Variants in PLA2G4C observed in about 807,000 individuals in gnomAD.
PLA2G4C encodes cytosolic phospholipase A2 gamma.
Under a neutral mutation model 73.8 loss-of-function variants are expected in PLA2G4C, and 64 were observed. The ratio of observed to expected loss-of-function variants is 0.87; its 90% confidence interval spans 0.71 to 1.07. The LOEUF (loss-of-function observed/expected upper bound fraction) is 1.07. PLA2G4C is among the 50% of genes least tolerant of loss of function. The pLI, the probability that PLA2G4C is intolerant of heterozygous loss-of-function variation, is 0.00. For synonymous variants in PLA2G4C, 254 were observed against 252.1 expected, an observed-to-expected ratio of 1.01 and a Z score of -0.07; for missense variants, 622 against 665.4, an observed-to-expected ratio of 0.93 and a Z score of 0.72.
Position 48,070,142 on chromosome 19 carries a change from A to T in PLA2G4C, c.1007-2256T>A, listed in dbSNP as rs551779120. Among the ~76,000 whole-genome samples the T allele has an allele frequency of 1.7e-4, 26 of 152,258 alleles. No homozygotes were observed. In the South Asian group the frequency reaches 5.4e-3, roughly 32 times the overall value. On this transcript the variant is annotated intron_variant, in intron 12 of 16. Coordinates refer to ENST00000599921, the MANE Select transcript of PLA2G4C (RefSeq NM_003706.3). ...AGAGAGTAACACCTATCCCTTATAGATTTATGAGGAATAAGTAAGAGCCTG... is the reference window on the plus strand; with the variant it reads ...AGAGAGTAACACCTATCCCTTATAGTTTTATGAGGAATAAGTAAGAGCCTG...
rs544287174 is a variant in PLA2G4C at position 48,101,126 on chromosome 19, ATTTT to A, written c.258-1270_258-1267del. 6.4e-3 allele frequency among the ~76,000 whole-genome samples: 472 copies of A among 74,116 alleles called. 3 individuals are homozygous for A. Among genetic ancestry groups the A allele is most frequent in the African/African-American group, 0.029 (456 of 15,574 alleles). The allele number at this position is 74,116 out of a possible 152,430, so 48.6% of individuals were successfully genotyped here. A position where few individuals can be genotyped will look rare whatever the true frequency, so the allele number is the denominator to read the frequency against. On this transcript the variant is annotated intron_variant, in intron 4 of 16. Coordinates refer to ENST00000599921, the MANE Select transcript of PLA2G4C (RefSeq NM_003706.3). ...AGTCTATATATATATATATATATAT[ATTTT>A]TTTTTTTTTTTTTGAGACAGGTCTT...
intron 16 of PLA2G4C, among the ~76,000 whole-genome samples, chr19:48,049,821 G>A (rs986608603): frequency 2.0e-5 from 3 of 152,204 alleles, no homozygotes; most frequent in African/African-American, 7.2e-5. Context: ...AAGCCAAGGA[G>A]AGAGGTCTCA....
chr19:48,101,825 C>T (rs1291506541), intron 4 of PLA2G4C, among the ~76,000 whole-genome samples: 1 of 151,654 alleles, frequency 6.6e-6, no homozygotes, highest in African/African-American at 2.4e-5. Flanking sequence ...CAGGTGCGTG[C>T]CACCACACCC....
At chr19:48,109,434 G>C (rs2032378785) in intron 1 of PLA2G4C, among the ~76,000 whole-genome samples, 1 of 151,850 alleles carries the variant, frequency 6.6e-6, no homozygotes, top group South Asian at 2.1e-4. Context: ...ACCATCTCCA[G>C]CTAAATTTTT....
chr19:48,059,804 T>G (rs1568424423), intron 14 of PLA2G4C, among the ~76,000 whole-genome samples: 1 of 149,834 alleles, frequency 6.7e-6, no homozygotes, highest in Non-Finnish European at 1.5e-5. Context: ...ATTTTGCTCT[T>G]GTTCACCAGG....
intron 14 of PLA2G4C, among the ~76,000 whole-genome samples, chr19:48,056,128 C>T (rs567087002): frequency 6.6e-6 from 1 of 152,284 alleles, no homozygotes; most frequent in South Asian, 2.1e-4. Flanking sequence ...CAAAAGGACA[C>T]TGCATGTCTC....
chr19:48,056,980 G>T (rs959945642), intron 14 of PLA2G4C, among the ~76,000 whole-genome samples: 43 of 152,118 alleles, frequency 2.8e-4, no homozygotes, highest in African/African-American at 1.0e-3. Flanking sequence ...GGGGCCTAGT[G>T]TTGGGTGGAG....
chr19:48,105,372 CA>C lies in PLA2G4C; in HGVS notation c.80del (p.Val27GlyfsTer2), dbSNP rs1353441631. The stretch of plus-strand genomic sequence containing the variant: ...TCCTTAGCTTCTTCAGAGCTTTCAG[CA>C]CATGAAGTCTTCGTCTCTCCACGGC... Reference protein sequence around the residue: ...KAAVERRRLHVLKALKKLRIE... With the variant: ...KAAVERRRLHXLKALKKLRIE... On this transcript the variant is annotated frameshift_variant, in exon 3 of 17. Transcript: ENST00000599921. LOFTEE classifies it high-confidence loss of function. The C allele has an allele frequency of 6.2e-7, 1 of 1,613,786 alleles. No homozygotes were observed. Among genetic ancestry groups the C allele is most frequent in the Non-Finnish European group, 8.5e-7 (1 of 1,179,882 alleles).
chr19:48,090,253 C>G (rs141473233), intron 8 of PLA2G4C, 111 bp downstream of exon 8: 3 of 818,554 alleles, frequency 3.7e-6, no homozygotes, highest in African/African-American at 1.7e-5. Flanking sequence ...AAAGCAGTTG[C>G]TAGAACAATT....
At chr19:48,095,269 G>T (rs577292816) in intron 7 of PLA2G4C, among the ~76,000 whole-genome samples, 195 bp downstream of exon 7, 5 of 152,012 alleles carry the variant, frequency 3.3e-5, no homozygotes, top group African/African-American at 1.2e-4. Flanking sequence ...GGTATCTGCC[G>T]CATTAAGGAG....
intron 11 of PLA2G4C, among the ~76,000 whole-genome samples, chr19:48,076,697 T>C (rs2030179510): frequency 6.6e-6 from 1 of 150,878 alleles, no homozygotes; most frequent in Non-Finnish European, 1.5e-5. Context: ...GAGCTGAGAT[T>C]ATGCCACTGC....
intron 13 of PLA2G4C, among the ~76,000 whole-genome samples, chr19:48,062,829 T>G (rs1459400233): frequency 1.3e-5 from 2 of 152,100 alleles, no homozygotes; most frequent in Non-Finnish European, 2.9e-5. Flanking sequence ...TGTAGAAAGT[T>G]TATTTTGCCA....
chr19:48,090,713 T>C (rs1487217367), intron 7 of PLA2G4C: 1 of 388,674 alleles, frequency 2.6e-6, no homozygotes, highest in Non-Finnish European at 4.7e-6. Flanking sequence ...CAAGCTCCTG[T>C]CCATGCCAAC....
chr19:48,057,480 C>CTGTTTTTTTTTT, intron 14 of PLA2G4C, among the ~76,000 whole-genome samples: 1 of 28,086 alleles, frequency 3.6e-5, no homozygotes, highest in South Asian at 3.2e-3. Context: ...TCTTCTTCTT[C>CTGTTTTTTTTTT]TTCTTTTTTT....
At chr19:48,089,011 C>T (rs985874501) in intron 8 of PLA2G4C, among the ~76,000 whole-genome samples, 1 of 152,178 alleles carries the variant, frequency 6.6e-6, no homozygotes, top group Non-Finnish European at 1.5e-5. Context: ...GCTTAGCAGA[C>T]CCACTGGAGA....
At chr19:48,079,065 G>A (rs1470764807) in intron 10 of PLA2G4C, among the ~76,000 whole-genome samples, 2 of 151,774 alleles carry the variant, frequency 1.3e-5, no homozygotes, top group Non-Finnish European at 2.9e-5. Context: ...ATGGGGTTTC[G>A]CCATGTTGGC....
At chr19:48,057,174 G>A (rs904978288) in intron 14 of PLA2G4C, among the ~76,000 whole-genome samples, 1 of 152,138 alleles carries the variant, frequency 6.6e-6, no homozygotes, top group African/African-American at 2.4e-5. Flanking sequence ...GCACACAAAT[G>A]CAGAAGTTGC....
chr19:48,051,228 G>A (rs1368337452), intron 16 of PLA2G4C, among the ~76,000 whole-genome samples: 2 of 152,204 alleles, frequency 1.3e-5, no homozygotes, highest in Non-Finnish European at 2.9e-5. Flanking sequence ...CTTCTCCCCT[G>A]GAGCCTCCGC....
Position 48,048,370 on chromosome 19 carries a change from A to G in PLA2G4C, c.1599T>C (p.Asp533=), listed in dbSNP as rs1254589188. 1 of 1,598,082 alleles carries G rather than the reference A, an allele frequency of 6.3e-7. No homozygotes were observed. The highest frequency in any genetic ancestry group is 8.5e-7 in the Non-Finnish European group (1 of 1,174,608). Residue 533 remains aspartate, a synonymous_variant, in exon 17 of 17, where the codon GAT becomes GAC. Coordinates refer to ENST00000599921, the MANE Select transcript of PLA2G4C (RefSeq NM_003706.3). The part of the protein sequence containing the change: ...MNVAGLYYPK[D]SARSCCLA ...ATGCCAAGCAGCAACTTCGGGCACTATCCTTCGGGTAGTAGAGCCTGGGGA... is the reference window on the plus strand; with the variant it reads ...ATGCCAAGCAGCAACTTCGGGCACTGTCCTTCGGGTAGTAGAGCCTGGGGA...
Sources: gnomAD v4.1 joint callset for allele counts (sites outside exome capture counted in the v4.1 genomes callset) on GRCh38, gnomAD v4.1.1 for gene constraint, MANE v1.5 for transcripts, NCBI Gene and HGNC (gene_info 2026-07-23, HGNC 2026-07-21) for gene names.